The following POLI variants were observed in gnomAD, a reference collection of about 807,000 sequenced individuals.
The protein encoded by POLI is RAD30 homolog B.
Under a neutral mutation model 51.6 loss-of-function variants are expected in POLI, and 58 were observed. The observed-to-expected ratio is 1.12, with a 90% CI of 0.91 to 1.40. The LOEUF is 1.40. POLI is among the 40% of genes most tolerant of loss of function. The pLI is 0.00. For missense variants in POLI, 921 were observed against 871.3 expected (o/e 1.06, Z -0.72); for synonymous variants, 322 against 299.7 (o/e 1.07, Z -0.77).
chr18:54,307,717 C>G (rs1340488685), intron 3 of POLI, among the ~76,000 whole-genome samples: 3 of 152,106 alleles, frequency 2.0e-5, no homozygotes, highest in Non-Finnish European at 4.4e-5. Flanking sequence ...GTGTGGGAGT[C>G]TAAGTCTCTT....
chr18:54,273,247 G>C (rs1383285084), intron 2 of POLI, among the ~76,000 whole-genome samples: 1 of 151,880 alleles, frequency 6.6e-6, no homozygotes, highest in Non-Finnish European at 1.5e-5. Flanking sequence ...CCTAAAAATT[G>C]CTGTAGCCCA....
Position 54,294,900 on chromosome 18 carries a change from C to A in POLI, c.*433C>A. ...ATAGCAAATCCTACTGCCAACTAACCTATTAAAAATATAGATAGTTTTGAC... is the reference window on the plus strand; with the variant it reads ...ATAGCAAATCCTACTGCCAACTAACATATTAAAAATATAGATAGTTTTGAC... On this transcript the variant is annotated 3_prime_UTR_variant, in exon 10 of 10. Coordinates refer to ENST00000579534, the MANE Select transcript of POLI (RefSeq NM_007195.3). The A allele has an allele frequency of 3.1e-6, 3 of 980,200 alleles. No individual in the cohort carries two copies. In the South Asian group the frequency reaches 1.4e-4, roughly 46 times the overall value. The allele number at this position is 980,200 out of a possible 1,614,324, so 60.7% of individuals were successfully genotyped here. A position where few individuals can be genotyped will look rare whatever the true frequency, so the allele number is the denominator to read the frequency against.
At chr18:54,290,779 C>G (rs774213116) in intron 8 of POLI, among the ~76,000 whole-genome samples, 3 of 151,942 alleles carry the variant, frequency 2.0e-5, no homozygotes, top group Non-Finnish European at 2.9e-5. Context: ...AGTTGAACAA[C>G]GAGGACACAT....
chr18:54,284,394 T>G (rs2087653869), intron 7 of POLI, among the ~76,000 whole-genome samples: 1 of 152,242 alleles, frequency 6.6e-6, no homozygotes, highest in South Asian at 2.1e-4. Context: ...ACCTAATAGT[T>G]AGTTGCATTT....
At chr18:54,274,378 CTG>C (rs1316937880) in intron 3 of POLI, among the ~76,000 whole-genome samples, 3 of 152,046 alleles carry the variant, frequency 2.0e-5, no homozygotes, top group East Asian at 1.9e-4. Context: ...AAATGGGAAA[CTG>C]TACTGTAAAA....
chr18:54,297,655 T>C lies in POLI; in HGVS notation c.*3188T>C, dbSNP rs976557998. The stretch of plus-strand genomic sequence containing the variant: ...CAGTTGGGTTTTCTATTTAATCATA[T>C]ATTTTCCCTTTACTGATTTGGAATG... On this transcript the variant is annotated 3_prime_UTR_variant, in exon 10 of 10. Coordinates refer to ENST00000579534, the MANE Select transcript of POLI (RefSeq NM_007195.3). The C allele has an allele frequency of 1.0e-6, 1 of 978,604 alleles. No homozygotes were observed. Among genetic ancestry groups the C allele is most frequent in the Admixed American group, 6.2e-5 (1 of 16,252 alleles). The allele number at this position is 978,604 out of a possible 1,614,324, so 60.6% of individuals were successfully genotyped here. A position where few individuals can be genotyped will look rare whatever the true frequency, so the allele number is the denominator to read the frequency against.
At chr18:54,272,909 T>TG (rs1218908210) in intron 2 of POLI, among the ~76,000 whole-genome samples, 1 of 152,130 alleles carries the variant, frequency 6.6e-6, no homozygotes, top group African/African-American at 2.4e-5. Context: ...TTTGGTTCCA[T>TG]GATTATATTT....
chr18:54,288,147 TCAA>T (rs1459306820), intron 8 of POLI, among the ~76,000 whole-genome samples: 4 of 152,222 alleles, frequency 2.6e-5, no homozygotes, highest in African/African-American at 9.6e-5. Context: ...TACATTTTCA[TCAA>T]CAATATTTGA....
In POLI at chr18:54,291,983, ATTATTAT is replaced by A. The variant is rs764525660; in HGVS notation, c.1353_1359del (p.Tyr451Ter). 6.2e-7 allele frequency: 1 copy of A among 1,611,458 alleles called. No individual in the cohort carries two copies. Among genetic ancestry groups the A allele is most frequent in the Non-Finnish European group, 8.5e-7 (1 of 1,178,482 alleles). ...AATACTGCTAAGAAAGGGCTTATTGATTATTATTTAATGCCATCATTATCAACTACTT... is the reference window on the plus strand; with the variant it reads ...AATACTGCTAAGAAAGGGCTTATTGATTAATGCCATCATTATCAACTACTT... On this transcript the variant is annotated frameshift_variant, in exon 9 of 10. Coordinates refer to ENST00000579534, the MANE Select transcript of POLI (RefSeq NM_007195.3). LOFTEE classifies it high-confidence loss of function.
At chr18:54,300,726 T>TAA (rs1265490657), downstream of POLI, among the ~76,000 whole-genome samples, 1 of 152,046 alleles carries the variant, frequency 6.6e-6, no homozygotes, top group African/African-American at 2.4e-5. Flanking sequence ...TAAAATTTTT[T>TAA]AAAAAATAAA....
intron 9 of POLI, 48 bp from the exon 10 acceptor site, chr18:54,293,601 T>C (rs1348962659): frequency 1.6e-6 from 2 of 1,275,810 alleles, no homozygotes; most frequent in East Asian, 2.5e-5. Flanking sequence ...GCAGCGATAT[T>C]TAAAAGATAT....
intron 2 of POLI, among the ~76,000 whole-genome samples, chr18:54,273,282 A>G (rs777271480): frequency 6.6e-6 from 1 of 151,680 alleles, no homozygotes; most frequent in African/African-American, 2.4e-5. Context: ...TATTTTATAT[A>G]CATATTATAT....
intron 3 of POLI, among the ~76,000 whole-genome samples, chr18:54,313,669 C>T (rs183992037): frequency 1.3e-5 from 2 of 152,180 alleles, no homozygotes; most frequent in Admixed American, 1.3e-4. Context: ...AGATTTTTCA[C>T]CTCCCTGCTT....
intron 3 of POLI, among the ~76,000 whole-genome samples, chr18:54,313,578 A>G (rs1050125212): frequency 6.6e-6 from 1 of 152,194 alleles, no homozygotes; most frequent in Admixed American, 6.6e-5. Context: ...CATTCATCCA[A>G]TCAATGAGCA....
At chr18:54,306,977 T>C (rs1405730043) in intron 3 of POLI, among the ~76,000 whole-genome samples, 1 of 152,164 alleles carries the variant, frequency 6.6e-6, no homozygotes, top group Non-Finnish European at 1.5e-5. Context: ...TCATCTTTAT[T>C]AGTCTTGCTA....
chr18:54,294,815 A>ATTT lies in POLI; in HGVS notation c.*362_*364dup. 1.3e-5 allele frequency: 12 copies of ATTT among 911,956 alleles called. No individual in the cohort carries two copies. Among genetic ancestry groups the ATTT allele is most frequent in the African/African-American group, 1.8e-5 (1 of 54,614 alleles). 56.5% of individuals were successfully genotyped at this position (911,956 alleles called of 1,614,324 possible). ...GTTGCAATGATATGGTAAAGGACAC[A>ATTT]TTTTTTTTTTTTTTTTCCTGTGAAA... On this transcript the variant is annotated 3_prime_UTR_variant, in exon 10 of 10. Coordinates refer to ENST00000579534, the MANE Select transcript of POLI (RefSeq NM_007195.3).
Position 54,315,581 on chromosome 18 carries a change from T to C in POLI, c.334-4692T>C, listed in dbSNP as rs142035453. 5.9e-5 allele frequency among the ~76,000 whole-genome samples: 9 copies of C among 152,098 alleles called. No homozygotes were observed. In the East Asian group the frequency reaches 1.7e-3, roughly 29 times the overall value. On this transcript the variant is annotated intron_variant, in intron 3 of 4. Coordinates refer to the POLI transcript ENST00000579823. ...TGGGGTGGTGAAGTCTCTATTACTA[T>C]GTGGCTAAGTCTTTTTGTAGGTCTA...
At chr18:54,318,810 G>A (rs2088763683) in intron 3 of POLI, among the ~76,000 whole-genome samples, 1 of 152,050 alleles carries the variant, frequency 6.6e-6, no homozygotes, top group Admixed American at 6.6e-5. Flanking sequence ...TGCATATTCT[G>A]TATTAGTAAA....
intron 5 of POLI, 22 bp from the exon 6 acceptor site, chr18:54,282,815 G>A (rs765389704): frequency 2.3e-6 from 3 of 1,332,212 alleles, no homozygotes; most frequent in South Asian, 2.7e-5. Flanking sequence ...TTTTAACATT[G>A]TATGCATTTC....
Sources: gnomAD v4.1 joint callset for allele counts (sites outside exome capture counted in the v4.1 genomes callset) on GRCh38, gnomAD v4.1.1 for gene constraint, MANE v1.5 for transcripts, NCBI Gene and HGNC (gene_info 2026-07-23, HGNC 2026-07-21) for gene names.